IGF2R: variants seen among roughly 807,000 people sequenced by gnomAD.
IGF2R encodes the protein cation-independent mannose-6-phosphate receptor.
Under a neutral mutation model 270.6 loss-of-function variants are expected in IGF2R, and 91 were observed. The ratio of observed to expected loss-of-function variants is 0.34; its 90% CI spans 0.28 to 0.40. The LOEUF is 0.40. Among genes scored for constraint, IGF2R ranks in the 10% least tolerant of loss-of-function variants. The pLI is 1.00. For missense variants in IGF2R, 2,805 were observed against 3,188.3 expected (o/e 0.88, Z 2.90); for synonymous variants, 1,316 against 1,258.9 (o/e 1.05, Z -0.96).
At position 160,050,907 on chromosome 6, in the gene IGF2R, C is replaced by T. The variant is rs560725687; in HGVS notation, c.2694+255C>T. Among the ~76,000 whole-genome samples the T allele has an allele frequency of 6.6e-6, 1 of 152,140 alleles. No homozygotes were observed. The highest frequency in any genetic ancestry group is 1.5e-5 in the Non-Finnish European group (1 of 68,030). On this transcript the variant is annotated intron_variant, in intron 19 of 47. Coordinates refer to ENST00000356956, the MANE Select transcript of IGF2R (RefSeq NM_000876.4). This position sits in a 1 kb window ranked among gnomAD's most constrained non-coding sequence, Gnocchi z 4.0. ...GAGGCTCTGGTGACATACACTGTTT[C>T]CTGGATTTTTTTTCTGAGTCGTACA...
At chr6:160,083,452 GCTTT>G (rs1779029516) in intron 39 of IGF2R, among the ~76,000 whole-genome samples, 1 of 152,198 alleles carries the variant, frequency 6.6e-6, no homozygotes, top group Non-Finnish European at 1.5e-5. Flanking sequence ...CCTGCAAGAG[GCTTT>G]CCTCTTTTAC....
At position 160,104,982 on chromosome 6, in the gene IGF2R, G is replaced by A. The variant is rs200739867; in HGVS notation, c.7374G>A (p.Lys2458=). 4.3e-6 allele frequency: 7 copies of A among 1,613,992 alleles called. No individual in the cohort carries two copies. In the East Asian group the frequency reaches 1.1e-4, roughly 26 times the overall value. ...GGGTGGGGCTGGTCAGGGGTGAGAA[G>A]GCGAGGAAAGGGAAGTCCAGCTCTG... ...DDRVGLVRGE[K]ARKGKSSSAQ... Residue 2458 remains lysine, a synonymous_variant, in exon 48 of 48, where the codon AAG becomes AAA. Coordinates refer to ENST00000356956, the MANE Select transcript of IGF2R (RefSeq NM_000876.4).
intron 1 of IGF2R, among the ~76,000 whole-genome samples, chr6:159,969,720 G>A (rs1340096299): frequency 6.6e-6 from 1 of 152,168 alleles, no homozygotes; most frequent in African/African-American, 2.4e-5. Flanking sequence ...CTGCCCTCGC[G>A]CGGCCGGGCG....
Position 160,066,395 on chromosome 6 carries a change from C to T in IGF2R, c.4115+1494C>T, listed in dbSNP as rs183167826. ...GAACTGCTGACTGCAGGTCATCCTC[C>T]GTCTGCCTTGGCCTCCCAAAGTGCT... is the stretch of plus-strand genomic sequence containing the variant. On this transcript the variant is annotated intron_variant, in intron 29 of 47. Coordinates refer to ENST00000356956, the MANE Select transcript of IGF2R (RefSeq NM_000876.4). Among the ~76,000 whole-genome samples the T allele has an allele frequency of 5.1e-4, 78 of 152,222 alleles. 2 individuals are homozygous for T. Among genetic ancestry groups the T allele is most frequent in the Admixed American group, 2.0e-3 (30 of 15,284 alleles).
chr6:160,057,340 G>A (rs1229341456), intron 20 of IGF2R, among the ~76,000 whole-genome samples: 2 of 152,184 alleles, frequency 1.3e-5, no homozygotes, highest in Non-Finnish European at 2.9e-5. Context: ...TCACAGCACC[G>A]TGTATATTTC....
At position 160,104,903 on chromosome 6, in the gene IGF2R, C is replaced by G. The variant is rs1779579353; in HGVS notation, c.7295C>G (p.Ser2432Cys). 6.2e-7 allele frequency: 1 copy of G among 1,614,014 alleles called. No individual in the cohort carries two copies. The highest frequency in any genetic ancestry group is 1.3e-5 in the African/African-American group (1 of 74,926). Residue 2432 changes from serine (S) to cysteine (C), a missense_variant, in exon 48 of 48, where the codon TCC (serine) becomes TGC (cysteine). Ser to Cys is a moderately radical substitution (Grantham distance 112, BLOSUM62 -1). This residue lies in a region of IGF2R where 1,851 missense variants were observed against 2,207.2 expected (regional missense o/e 0.84). Coordinates refer to ENST00000356956, the MANE Select transcript of IGF2R (RefSeq NM_000876.4). ...GGCAGGGGAGCTGGGGCAGAGAGCT[C>G]CCACCCAGTGAGAAACGCACAGAGC... ...HSGRGAGAES[S>C]HPVRNAQSNA...
At chr6:160,070,133 C>T (rs1251506084) in intron 31 of IGF2R, 75 bp downstream of exon 31, 18 of 1,389,238 alleles carry the variant, frequency 1.3e-5, no homozygotes, top group Admixed American at 3.7e-5. Flanking sequence ...GTGAGCCGCA[C>T]GTCCTCATCT....
intron 27 of IGF2R, among the ~76,000 whole-genome samples, chr6:160,064,028 G>A (rs8191855): frequency 0.037 from 5,694 of 152,288 alleles, 179 homozygotes; most frequent in East Asian, 0.097. Context: ...GGTCATTCAT[G>A]CTGTTTCAGC....
At chr6:160,101,468 C>T (rs984132247) in intron 45 of IGF2R, among the ~76,000 whole-genome samples, 8 of 152,178 alleles carry the variant, frequency 5.3e-5, no homozygotes, top group African/African-American at 1.7e-4. Context: ...CCTGTGGTTT[C>T]TTGTCTTGCT....
At chr6:160,024,760 C>T (rs866443436) in intron 5 of IGF2R, 56 bp downstream of exon 5, 6 of 1,571,706 alleles carry the variant, frequency 3.8e-6, no homozygotes, top group Middle Eastern at 3.4e-4. Context: ...TCTATGGCTT[C>T]AATATCTTTG....
At chr6:159,977,370 G>A (rs1486755923) in intron 1 of IGF2R, among the ~76,000 whole-genome samples, 1 of 152,210 alleles carries the variant, frequency 6.6e-6, no homozygotes, top group Non-Finnish European at 1.5e-5. Flanking sequence ...AGGGCTGGGA[G>A]CAGTTGTTGG....
In IGF2R at chr6:160,104,952, C is replaced by T. The variant is rs141814756; in HGVS notation, c.7344C>T (p.Asp2448=). The T allele has an allele frequency of 8.1e-6, 13 of 1,613,936 alleles. No individual in the cohort carries two copies. The highest frequency in any genetic ancestry group is 1.6e-4 in the Middle Eastern group (1 of 6,084). The change falls in exon 48 of 48, where the codon GAC becomes GAT. Residue 2448 remains aspartate, a synonymous_variant. Transcript: ENST00000356956. The part of the protein sequence containing the change: ...AQSNALQERE[D]DRVGLVRGEK... ...GCAATGCCCTTCAGGAGCGTGAGGA[C>T]GATAGGGTGGGGCTGGTCAGGGGTG... is the stretch of plus-strand genomic sequence containing the variant.
chr6:160,007,408 G>T (rs978500196), intron 2 of IGF2R: 1 of 152,220 alleles, frequency 6.6e-6, no homozygotes, highest in Non-Finnish European at 1.5e-5. Context: ...TTGCCAGAGG[G>T]ATGGTTGTAA....
intron 1 of IGF2R, among the ~76,000 whole-genome samples, chr6:159,973,385 T>G (rs1363938136): frequency 6.6e-6 from 1 of 152,198 alleles, no homozygotes; most frequent in East Asian, 1.9e-4. Flanking sequence ...GATGGTTAGA[T>G]TTAAGGTAGT....
At chr6:159,999,492 G>A (rs376004462) in intron 2 of IGF2R, among the ~76,000 whole-genome samples, 1 of 152,152 alleles carries the variant, frequency 6.6e-6, no homozygotes, top group African/African-American at 2.4e-5. Flanking sequence ...TGAGTCATGG[G>A]GTCACATCAG....
chr6:160,082,061 T>TA (rs1778995307), intron 39 of IGF2R, among the ~76,000 whole-genome samples: 1 of 152,210 alleles, frequency 6.6e-6, no homozygotes, highest in South Asian at 2.1e-4. Flanking sequence ...GGGGAAGTGA[T>TA]AAATGTCCAT....
Position 160,075,959 on chromosome 6 carries a change from C to T in IGF2R, c.5279C>T (p.Ser1760Leu), listed in dbSNP as rs751755752. 9 of 1,614,066 alleles carry T rather than the reference C, an allele frequency of 5.6e-6. No homozygotes were observed. In the Admixed American group the frequency reaches 8.3e-5, roughly 15 times the overall value. Residue 1760 changes from serine to leucine, a missense_variant, in exon 36 of 48, where the codon TCG becomes TTG. Transcript: ENST00000356956. ...CLADKHFNYT[S>L]LIAFHCKRGV... ...GCGGACAAGCATTTCAACTACACCT[C>T]GCTCATCGCGTTTCACTGTAAGAGA...
chr6:160,106,614 C>T lies in IGF2R; in HGVS notation c.*1530C>T, dbSNP rs1265138500. On this transcript the variant is annotated 3_prime_UTR_variant, in exon 48 of 48. Coordinates refer to ENST00000356956, the MANE Select transcript of IGF2R (RefSeq NM_000876.4). Reference sequence around the variant, plus strand: ...CCCGAGCGAGTTACCCATCTGCCTGCCTGTCTTTTCTTTCTGTTAAGTGAC... The same window carrying T: ...CCCGAGCGAGTTACCCATCTGCCTGTCTGTCTTTTCTTTCTGTTAAGTGAC... 9 of 152,106 alleles carry T rather than the reference C, an allele frequency of 5.9e-5. No individual in the cohort carries two copies. The highest frequency in any genetic ancestry group is 1.7e-4 in the African/African-American group (7 of 41,426). The allele number at this position is 152,106 out of a possible 1,614,324, so 9.4% of individuals were successfully genotyped here. A position where few individuals can be genotyped will look rare whatever the true frequency, so the allele number is the denominator to read the frequency against.
At chr6:160,011,778 G>A (rs919724608) in intron 4 of IGF2R, among the ~76,000 whole-genome samples, 3 of 151,972 alleles carry the variant, frequency 2.0e-5, no homozygotes, top group African/African-American at 7.3e-5. Context: ...TGTTCCTTCT[G>A]CCGCTTCTCC....
Sources: gnomAD v4.1 joint callset for allele counts (sites outside exome capture counted in the v4.1 genomes callset) on GRCh38, gnomAD v4.1.1 for gene constraint, gnomAD v4.1.1 regional missense constraint, Gnocchi (gnomAD v3.1) non-coding constraint, MANE v1.5 for transcripts, NCBI Gene and HGNC (gene_info 2026-07-23, HGNC 2026-07-21) for gene names.